Variants in ELOVL5 observed in about 807,000 individuals in gnomAD.
ELOVL5 encodes very long chain fatty acid elongase 5.
ELOVL5 carries 8 observed loss-of-function variants against 38.6 expected under a neutral mutation model. The ratio of observed to expected loss-of-function variants is 0.21; its 90% CI spans 0.12 to 0.37. The LOEUF (loss-of-function observed/expected upper bound fraction) is 0.37. Among genes scored for constraint, ELOVL5 ranks in the 10% least tolerant of loss-of-function variants. The pLI is 1.00. For missense variants in ELOVL5, 280 were observed against 367.8 expected (o/e 0.76, Z 1.95); for synonymous variants, 127 against 133.7 (o/e 0.95, Z 0.34).
At position 53,348,809 on chromosome 6, in the gene ELOVL5, G is replaced by C. The variant is rs1050036709; in HGVS notation, c.-9+8C>G. 1 of 455,384 alleles carries C rather than the reference G, an allele frequency of 2.2e-6. No homozygotes were observed. Among genetic ancestry groups the C allele is most frequent in the Non-Finnish European group, 4.4e-6 (1 of 226,612 alleles). The allele number at this position is 455,384 out of a possible 1,614,324, so 28.2% of individuals were successfully genotyped here. A position where few individuals can be genotyped will look rare whatever the true frequency, so the allele number is the denominator to read the frequency against. On this transcript the variant is annotated splice_region_variant and intron_variant, in intron 1 of 7. Transcript: ENST00000304434. Reference sequence around the variant, plus strand: ...CCCGACGAAGTTTCCCGGAGCTGACGGCTTTACCTTTTAGCCCAAGGGGCG... The same window carrying C: ...CCCGACGAAGTTTCCCGGAGCTGACCGCTTTACCTTTTAGCCCAAGGGGCG...
At chr6:53,311,497 A>C (rs1767830114) in intron 1 of ELOVL5, among the ~76,000 whole-genome samples, 1 of 152,206 alleles carries the variant, frequency 6.6e-6, no homozygotes, top group Non-Finnish European at 1.5e-5. Flanking sequence ...ACCCAAAGAA[A>C]TGAAAACACA....
chr6:53,302,653 A>C (rs572267642), intron 1 of ELOVL5, among the ~76,000 whole-genome samples: 1 of 152,168 alleles, frequency 6.6e-6, no homozygotes, highest in South Asian at 2.1e-4. Context: ...ACATTATAGT[A>C]AAGAGTTGGT....
chr6:53,328,063 C>T (rs990907465), intron 1 of ELOVL5, among the ~76,000 whole-genome samples: 1 of 152,154 alleles, frequency 6.6e-6, no homozygotes, highest in East Asian at 1.9e-4. Context: ...AAAAAACCTA[C>T]CGGCTACCAC....
At chr6:53,298,699 C>A (rs1767120800) in intron 1 of ELOVL5, among the ~76,000 whole-genome samples, 1 of 152,158 alleles carries the variant, frequency 6.6e-6, no homozygotes, top group African/African-American at 2.4e-5. Flanking sequence ...CCACCCACGG[C>A]TGTCTCTGCT....
chr6:53,287,798 C>T, intron 3 of ELOVL5: 1 of 1,415,728 alleles, frequency 7.1e-7, no homozygotes, highest in Non-Finnish European at 9.6e-7. Flanking sequence ...GGAAAGGAGC[C>T]AGCCATCCTT....
In ELOVL5 at chr6:53,291,895, A is replaced by AAT; in HGVS notation, c.125_126dup (p.Leu43IlefsTer3). 6.2e-7 allele frequency: 1 copy of AAT among 1,612,804 alleles called. No homozygotes were observed. Among genetic ancestry groups the AAT allele is most frequent in the Non-Finnish European group, 8.5e-7 (1 of 1,178,854 alleles). On this transcript the variant is annotated frameshift_variant, in exon 3 of 8. Coordinates refer to ENST00000304434, the MANE Select transcript of ELOVL5 (RefSeq NM_021814.5). LOFTEE classifies it high-confidence loss of function. ...TTTGGTCCCAGCCATACAATTAGTA[A>AAT]ATATATGACAGAGCAGATAAATGTG...
intron 2 of ELOVL5, 109 bp downstream of exon 2, chr6:53,295,533 A>G (rs1231054210): frequency 1.3e-6 from 1 of 765,490 alleles, no homozygotes; most frequent in Non-Finnish European, 2.1e-6. Flanking sequence ...TTTTAGACTT[A>G]TCATAGAAAA....
At chr6:53,272,857 AC>A (rs1380824999) in intron 6 of ELOVL5, among the ~76,000 whole-genome samples, 1 of 152,086 alleles carries the variant, frequency 6.6e-6, no homozygotes, top group African/African-American at 2.4e-5. Flanking sequence ...TCCTTCTAAA[AC>A]CCCTGGAAAC....
At position 53,291,803 on chromosome 6, in the gene ELOVL5, T is replaced by C. The variant is rs377612394; in HGVS notation, c.219A>G (p.Thr73=). 47 of 1,612,744 alleles carry C rather than the reference T, an allele frequency of 2.9e-5. 2 individuals carry two copies. In the Middle Eastern group the frequency reaches 3.1e-3, roughly 107 times the overall value. Residue 73 remains threonine, a synonymous_variant, in exon 3 of 8, where the codon ACA becomes ACG. Coordinates refer to ENST00000304434, the MANE Select transcript of ELOVL5 (RefSeq NM_021814.5). ...GILVVYNLGL[T]LLSLYMFCEL... is the part of the protein sequence containing the mutation. ...CACAGAACATATACAGAGACAGCAG[T>C]GTGAGTCCAAGGTTATACACCACTA... is the stretch of plus-strand genomic sequence containing the variant.
intron 1 of ELOVL5, among the ~76,000 whole-genome samples, chr6:53,338,520 A>C (rs918868245): frequency 6.6e-6 from 1 of 152,224 alleles, no homozygotes. Flanking sequence ...CCTGTTTCAA[A>C]GGGCAACTTC....
chr6:53,291,737 A>T (rs1347769493), intron 3 of ELOVL5, 39 bp downstream of exon 3: 2 of 1,524,038 alleles, frequency 1.3e-6, no homozygotes, highest in East Asian at 2.3e-5. Context: ...ATATGAGTGC[A>T]TTTATGTGAA....
chr6:53,282,896 TTA>T (rs1766413439), intron 3 of ELOVL5, among the ~76,000 whole-genome samples: 1 of 152,210 alleles, frequency 6.6e-6, no homozygotes, highest in East Asian at 1.9e-4. Context: ...GTTTAGAATA[TTA>T]TGTTTCCAAA....
Position 53,267,428 on chromosome 6 carries a change from C to A in ELOVL5, c.*1699G>T, listed in dbSNP as rs1765780404. 6.6e-6 allele frequency: 1 copy of A among 152,344 alleles called. No individual in the cohort carries two copies. Among genetic ancestry groups the A allele is most frequent in the African/African-American group, 2.4e-5 (1 of 41,444 alleles). The allele number at this position is 152,344 out of a possible 1,614,324, so 9.4% of individuals were successfully genotyped here. A position where few individuals can be genotyped will look rare whatever the true frequency, so the allele number is the denominator to read the frequency against. ...GTAATCAAAAATGTTTTAATGATTA[C>A]TGTTTAGACATTTAACAATGTAGGT... On this transcript the variant is annotated 3_prime_UTR_variant, in exon 8 of 8. Coordinates refer to ENST00000304434, the MANE Select transcript of ELOVL5 (RefSeq NM_021814.5).
intron 1 of ELOVL5, among the ~76,000 whole-genome samples, chr6:53,322,317 GTTTT>G (rs963059548): frequency 6.6e-6 from 1 of 152,086 alleles, no homozygotes; most frequent in Non-Finnish European, 1.5e-5. Flanking sequence ...TCTTCCAGTT[GTTTT>G]TTTAATTATA....
intron 5 of ELOVL5, 152 bp downstream of exon 5, chr6:53,274,938 T>A (rs1225045849): frequency 1.4e-6 from 1 of 714,988 alleles, no homozygotes; most frequent in Admixed American, 3.0e-5. Flanking sequence ...TTTGTGTGCA[T>A]AGGTACATAA....
intron 1 of ELOVL5, among the ~76,000 whole-genome samples, chr6:53,346,970 T>C (rs565199744): frequency 6.6e-6 from 1 of 152,228 alleles, no homozygotes; most frequent in Non-Finnish European, 1.5e-5. Context: ...TGGGCTCTCA[T>C]TTGCATTATC....
intron 1 of ELOVL5, among the ~76,000 whole-genome samples, chr6:53,314,806 A>T (rs1298957595): frequency 6.6e-6 from 1 of 152,266 alleles, no homozygotes; most frequent in Non-Finnish European, 1.5e-5. Context: ...ACTGGTCAGG[A>T]GCTAGGGGAT....
At chr6:53,334,108 A>G (rs1302390746) in intron 1 of ELOVL5, among the ~76,000 whole-genome samples, 1 of 152,230 alleles carries the variant, frequency 6.6e-6, no homozygotes, top group Non-Finnish European at 1.5e-5. Context: ...TGAAACCAAA[A>G]ACTTTTAGGA....
chr6:53,329,819 G>A (rs762543824), intron 1 of ELOVL5, among the ~76,000 whole-genome samples: 19 of 152,024 alleles, frequency 1.2e-4, no homozygotes, highest in Non-Finnish European at 2.5e-4. Context: ...GCAAGACTTC[G>A]TCTCAGAAAA....
Sources: gnomAD v4.1 joint callset for allele counts (sites outside exome capture counted in the v4.1 genomes callset) on GRCh38, gnomAD v4.1.1 for gene constraint, MANE v1.5 for transcripts, NCBI Gene and HGNC (gene_info 2026-07-23, HGNC 2026-07-21) for gene names.